The following RNF123 variants were observed in gnomAD, a reference collection of about 807,000 sequenced individuals.
RNF123 encodes ring finger protein 123.
RNF123 carries 86 observed loss-of-function variants against 168.5 expected under a neutral mutation model. The observed-to-expected ratio is 0.51, with a 90% CI of 0.43 to 0.61. The LOEUF (loss-of-function observed/expected upper bound fraction) is 0.61. RNF123 is among the 20% of genes least tolerant of loss of function. RNF123 has a pLI of 0.00. For synonymous variants in RNF123, 666 were observed against 689.1 expected, an observed-to-expected ratio of 0.97 and a Z score of 0.52; for missense variants, 1,419 against 1,729.7, an observed-to-expected ratio of 0.82 and a Z score of 3.19.
Position 49,703,422 on chromosome 3 carries a change from C to T in RNF123, c.1751-5C>T, listed in dbSNP as rs748256501. ...CACTGGCCTAGCCTCCTCAATTCCTCGCAGAGGCCTACATCCCGCCCCAGG... is the reference window on the plus strand; with the variant it reads ...CACTGGCCTAGCCTCCTCAATTCCTTGCAGAGGCCTACATCCCGCCCCAGG... On this transcript the variant is annotated splice_polypyrimidine_tract_variant and splice_region_variant and intron_variant, in intron 20 of 38. Transcript: ENST00000327697. The T allele has an allele frequency of 5.0e-6, 8 of 1,612,464 alleles. No individual in the cohort carries two copies. The highest frequency in any genetic ancestry group is 2.2e-5 in the South Asian group (2 of 90,988).
At chr3:49,703,945 T>C (rs1184627988) in intron 21 of RNF123, among the ~76,000 whole-genome samples, 4 of 152,080 alleles carry the variant, frequency 2.6e-5, no homozygotes, top group African/African-American at 9.7e-5. Context: ...GTGCAGGGGC[T>C]GAGAGACAGG....
Position 49,690,697 on chromosome 3 carries a change from G to A in RNF123, c.-36-433G>A, listed in dbSNP as rs560141911. 5.9e-5 allele frequency among the ~76,000 whole-genome samples: 9 copies of A among 152,322 alleles called. 1 individual carries two copies. The highest frequency in any genetic ancestry group is 1.9e-4 in the African/African-American group (8 of 41,572). Reference sequence around the variant, plus strand: ...GGCTAGAGATGACCAGACCAGTGGTGGTCTGCACTTGGGGGAATGTGTAGG... The same window carrying A: ...GGCTAGAGATGACCAGACCAGTGGTAGTCTGCACTTGGGGGAATGTGTAGG... On this transcript the variant is annotated intron_variant, in intron 1 of 38. Transcript: ENST00000327697.
chr3:49,701,504 C>T lies in RNF123; in HGVS notation c.1291C>T (p.Arg431Cys), dbSNP rs752231755. Residue 431 changes from arginine to cysteine, a missense_variant, in exon 16 of 39, where the codon CGC becomes TGC. Coordinates refer to ENST00000327697, the MANE Select transcript of RNF123 (RefSeq NM_022064.5). ...GACACCCGCCAGCTTCGACGTGCTC[C>T]GCTCCGTCGTCTTCTTTTACATCAA... ...LLSNVLFDVL[R>C]SVVFFYIKSP... 191 of 1,613,496 alleles carry T rather than the reference C, an allele frequency of 1.2e-4. No homozygotes were observed. The highest frequency in any genetic ancestry group is 4.9e-4 in the Middle Eastern group (3 of 6,072).
chr3:49,700,133 TGCCTGAG>T, intron 12 of RNF123, 87 bp from the exon 13 acceptor site: 1 of 1,557,260 alleles, frequency 6.4e-7, no homozygotes, highest in South Asian at 1.2e-5. Context: ...CAAGGCTCTG[TGCCTGAG>T]GCTTGTGCCT....
Position 49,691,252 on chromosome 3 carries a change from G to C in RNF123, c.82+5G>C. 1 of 1,613,796 alleles carries C rather than the reference G, an allele frequency of 6.2e-7. No individual in the cohort carries two copies. The highest frequency in any genetic ancestry group is 8.5e-7 in the Non-Finnish European group (1 of 1,179,694). Reference sequence around the variant, plus strand: ...CTGAGAAATCCAGGGTCACAGGTAAGAGCTGGCAGGGAAGGAAGGAGGCTC... The same window carrying C: ...CTGAGAAATCCAGGGTCACAGGTAACAGCTGGCAGGGAAGGAAGGAGGCTC... On this transcript the variant is annotated splice_donor_5th_base_variant and intron_variant, in intron 2 of 38. Coordinates refer to ENST00000327697, the MANE Select transcript of RNF123 (RefSeq NM_022064.5).
In RNF123 at chr3:49,700,784, GTCA is replaced by G. The variant is rs1575525395; in HGVS notation, c.1277+79_1277+81del. ...CTCAGCAGAGGCCAGGAAGGGGAGT[GTCA>G]TCAGGCCAGGGGTCCCCTGGGAGCA... On this transcript the variant is annotated intron_variant, in intron 15 of 38. Transcript: ENST00000327697. The G allele has an allele frequency of 4.0e-6, 6 of 1,510,146 alleles. No individual in the cohort carries two copies. The East Asian group carries it at 1.1e-4, about 28-fold the overall frequency. The allele number at this position is 1,510,146 out of a possible 1,614,324, so 93.5% of individuals were successfully genotyped here.
At chr3:49,713,089 CCT>C (rs1283139811) in intron 27 of RNF123, 10 of 601,624 alleles carry the variant, frequency 1.7e-5, no homozygotes, top group Admixed American at 5.8e-5. Context: ...CGAACCTGGG[CCT>C]CTCAGCCTGC....
chr3:49,713,762 C>T lies in RNF123; in HGVS notation c.2774C>T (p.Ala925Val). The T allele has an allele frequency of 6.2e-7, 1 of 1,607,828 alleles. No homozygotes were observed. The highest frequency in any genetic ancestry group is 8.5e-7 in the Non-Finnish European group (1 of 1,177,450). The change falls in exon 29 of 39, where the codon GCC becomes GTC. Residue 925 changes from alanine (A) to valine (V), a missense_variant. This residue lies in a region of RNF123 where 538 missense variants were observed against 708.8 expected (regional missense o/e 0.76). Transcript: ENST00000327697. ...GTDIRDSLMQ[A>V]LASYVCYPHS... ...GACATCCGAGACTCACTGATGCAGG[C>T]CCTGGCCAGCTACGTGTGCTACCCA...
At chr3:49,719,323 G>C in intron 35 of RNF123, 1 of 1,613,246 alleles carries the variant, frequency 6.2e-7, no homozygotes, top group Non-Finnish European at 8.5e-7. Context: ...CCCTAGGCCA[G>C]TGCAGCTTAG....
At chr3:49,714,205 A>G (rs1193856167) in intron 31 of RNF123, 31 bp downstream of exon 31, 1 of 1,606,506 alleles carries the variant, frequency 6.2e-7, no homozygotes, top group Non-Finnish European at 8.5e-7. Flanking sequence ...AGTCCTGGGC[A>G]AGGCAGGCGG....
chr3:49,712,087 C>T (rs369192919), intron 26 of RNF123, among the ~76,000 whole-genome samples: 83 of 152,044 alleles, frequency 5.5e-4, no homozygotes, highest in Admixed American at 2.0e-3. Context: ...TAGCCGAGCG[C>T]GGTATCACAT....
At chr3:49,718,054 G>A (rs768897137) in intron 35 of RNF123, 6 of 1,613,626 alleles carry the variant, frequency 3.7e-6, no homozygotes, top group South Asian at 3.3e-5. Flanking sequence ...CTCAGCTACT[G>A]CCAGCTGCAC....
In RNF123 at chr3:49,708,304, T is replaced by C. The variant is rs2080075128; in HGVS notation, c.2496+1406T>C. Among the ~76,000 whole-genome samples the C allele has an allele frequency of 2.0e-5, 3 of 152,204 alleles. 1 individual carries two copies. The South Asian group carries it at 6.2e-4, about 32-fold the overall frequency. ...TTTTAAGTGTTAAGTCTATTCACAT[T>C]GTCGTGCAGCCAATCTCCACACTCA... On this transcript the variant is annotated intron_variant, in intron 26 of 38. Coordinates refer to ENST00000327697, the MANE Select transcript of RNF123 (RefSeq NM_022064.5).
chr3:49,692,979 A>G (rs1361358593), intron 3 of RNF123, among the ~76,000 whole-genome samples: 1 of 151,774 alleles, frequency 6.6e-6, no homozygotes, highest in East Asian at 1.9e-4. Flanking sequence ...CCCTTCTTTC[A>G]GGTATATACC....
At chr3:49,709,192 C>T (rs540453988) in intron 26 of RNF123, among the ~76,000 whole-genome samples, 9 of 150,834 alleles carry the variant, frequency 6.0e-5, no homozygotes, top group Non-Finnish European at 5.9e-5. Flanking sequence ...AGTGCAATGG[C>T]GCGATCTCGG....
chr3:49,713,930 A>G lies in RNF123; in HGVS notation c.2858A>G (p.Asn953Ser), dbSNP rs756027501. The change falls in exon 30 of 39, where the codon AAC (asparagine) becomes AGC (serine). Residue 953 changes from asparagine to serine, a missense_variant. Asn to Ser is a conservative substitution (Grantham distance 46). Coordinates refer to ENST00000327697, the MANE Select transcript of RNF123 (RefSeq NM_022064.5). ...PEEQRIAMVR[N>S]LLAPYEQRPW... ...CACAGGCGTATCGCCATGGTGAGGA[A>G]CCTCCTGGCGCCCTATGAGCAGCGG... is the stretch of plus-strand genomic sequence containing the variant. 1 of 1,613,812 alleles carries G rather than the reference A, an allele frequency of 6.2e-7. No homozygotes were observed. Among genetic ancestry groups the G allele is most frequent in the African/African-American group, 1.3e-5 (1 of 75,036 alleles).
chr3:49,692,317 GTTTC>G (rs961759170), intron 3 of RNF123, among the ~76,000 whole-genome samples: 16 of 152,270 alleles, frequency 1.1e-4, no homozygotes, highest in East Asian at 7.7e-4. Flanking sequence ...ATTCTTTTCT[GTTTC>G]TTTCTTTGTG....
At position 49,699,204 on chromosome 3, in the gene RNF123, G is replaced by T; in HGVS notation, c.764+99G>T. 1.4e-6 allele frequency: 2 copies of T among 1,462,512 alleles called. No homozygotes were observed. The highest frequency in any genetic ancestry group is 9.2e-7 in the Non-Finnish European group (1 of 1,085,022). The allele number at this position is 1,462,512 out of a possible 1,614,324, so 90.6% of individuals were successfully genotyped here. A position where few individuals can be genotyped will look rare whatever the true frequency, so the allele number is the denominator to read the frequency against. On this transcript the variant is annotated intron_variant, in intron 10 of 38. Coordinates refer to ENST00000327697, the MANE Select transcript of RNF123 (RefSeq NM_022064.5). This position sits in a 1 kb window ranked among gnomAD's most constrained non-coding sequence, Gnocchi z 4.8. ...CAGGGGTGCCATGGGCTGGTGGCAGGCCCTGGCTGCTGCAGAGTTAGTGGG... is the reference window on the plus strand; with the variant it reads ...CAGGGGTGCCATGGGCTGGTGGCAGTCCCTGGCTGCTGCAGAGTTAGTGGG...
At chr3:49,709,964 A>G (rs528795123) in intron 26 of RNF123, among the ~76,000 whole-genome samples, 6 of 152,046 alleles carry the variant, frequency 3.9e-5, no homozygotes, top group African/African-American at 4.8e-5. Flanking sequence ...GAGGGTTCCA[A>G]TTTCTCCATA....
Sources: gnomAD v4.1 joint callset for allele counts (sites outside exome capture counted in the v4.1 genomes callset) on GRCh38, gnomAD v4.1.1 for gene constraint, gnomAD v4.1.1 regional missense constraint, Gnocchi (gnomAD v3.1) non-coding constraint, MANE v1.5 for transcripts, NCBI Gene and HGNC (gene_info 2026-07-23, HGNC 2026-07-21) for gene names.